Variants in ENPP1 observed in about 807,000 individuals in gnomAD.
The protein encoded by ENPP1 is ectonucleotide pyrophosphatase/phosphodiesterase family member 1.
Under a neutral mutation model 122.8 loss-of-function variants are expected in ENPP1, and 73 were observed. The ratio of observed to expected loss-of-function variants is 0.59; its 90% CI spans 0.49 to 0.72. The LOEUF (loss-of-function observed/expected upper bound fraction) is 0.72, where lower values mean the gene tolerates loss of function less well. Ranked by LOEUF, ENPP1 falls within the 30% of genes least tolerant of loss-of-function variation. ENPP1 has a pLI of 0.00. For missense variants in ENPP1, 978 were observed against 1,128.1 expected (o/e 0.87, Z 1.91); for synonymous variants, 367 against 391.6 (o/e 0.94, Z 0.74).
In ENPP1 at chr6:131,811,381, TC is replaced by T. The variant is rs1781350411; in HGVS notation, c.240+3107del. 3.3e-5 allele frequency among the ~76,000 whole-genome samples: 3 copies of T among 91,256 alleles called. No individual in the cohort carries two copies. In the South Asian group the frequency reaches 1.0e-3, roughly 31 times the overall value. 59.9% of individuals were successfully genotyped at this position (91,256 alleles called of 152,430 possible). On this transcript the variant is annotated intron_variant, in intron 1 of 24. Transcript: ENST00000647893. ...ATATATCTATATCTATATCTATATA[TC>T]TATATCTATATCTATATCTATATCT... is the stretch of plus-strand genomic sequence containing the variant.
chr6:131,834,519 G>A lies in ENPP1; in HGVS notation c.241-13257G>A, dbSNP rs1322413780. On this transcript the variant is annotated intron_variant, in intron 1 of 24. Coordinates refer to ENST00000647893, the MANE Select transcript of ENPP1 (RefSeq NM_006208.3). ...GAATCTTATGCATGTACATATTTGA[G>A]GTAATAGTCTTTTTTTTTTTTTTTT... Among the ~76,000 whole-genome samples, 3 of 147,120 alleles carry A rather than the reference G, an allele frequency of 2.0e-5. No homozygotes were observed. In the East Asian group the frequency reaches 5.9e-4, roughly 29 times the overall value.
Position 131,815,704 on chromosome 6 carries a change from CT to C in ENPP1, c.240+7443del, listed in dbSNP as rs547064410. Among the ~76,000 whole-genome samples, 811 of 140,524 alleles carry C rather than the reference CT, an allele frequency of 5.8e-3. 2 individuals carry two copies. Among genetic ancestry groups the C allele is most frequent in the Admixed American group, 6.5e-3 (91 of 14,004 alleles). 92.2% of individuals were successfully genotyped at this position (140,524 alleles called of 152,430 possible). ...TTTACAGAAATTTTTATCTATCAGC[CT>C]TTTTTTTTTTTTTGAAACGGAGTTT... is the stretch of plus-strand genomic sequence containing the variant. On this transcript the variant is annotated intron_variant, in intron 1 of 24. Coordinates refer to ENST00000647893, the MANE Select transcript of ENPP1 (RefSeq NM_006208.3).
At chr6:131,837,172 T>TTG (rs67550562) in intron 1 of ENPP1, among the ~76,000 whole-genome samples, 31,372 of 135,814 alleles carry the variant, frequency 0.23, 3,525 homozygotes, top group Non-Finnish European at 0.26. Flanking sequence ...CCTGTTGTCA[T>TTG]TGTGTGTGTG....
intron 24 of ENPP1, among the ~76,000 whole-genome samples, chr6:131,889,907 A>C (rs1585848210): frequency 6.6e-6 from 1 of 152,134 alleles, no homozygotes; most frequent in South Asian, 2.1e-4. Flanking sequence ...ACTCCCACCA[A>C]CAGTGTAAAA....
chr6:131,878,972 T>C (rs188260418), intron 19 of ENPP1, among the ~76,000 whole-genome samples: 2 of 152,328 alleles, frequency 1.3e-5, no homozygotes, highest in South Asian at 2.1e-4. Context: ...TATATATTGA[T>C]TTATTGATCT....
intron 1 of ENPP1, among the ~76,000 whole-genome samples, chr6:131,838,540 TAAAAG>T (rs923335253): frequency 5.4e-5 from 8 of 149,324 alleles, no homozygotes; most frequent in Admixed American, 1.3e-4. Context: ...ATAGTAATAT[TAAAAG>T]AAAAGTCTGA....
At chr6:131,883,607 T>A (rs2114728237) in intron 21 of ENPP1, 87 bp from the exon 22 acceptor site, 1 of 752,984 alleles carries the variant, frequency 1.3e-6, no homozygotes, top group Admixed American at 2.0e-5. Flanking sequence ...CAGCTAATTT[T>A]TAAAAATGCT....
In ENPP1 at chr6:131,865,994, C is replaced by CA. The variant is rs1554203830; in HGVS notation, c.1164+1070dup. On this transcript the variant is annotated intron_variant, in intron 11 of 24. Coordinates refer to ENST00000647893, the MANE Select transcript of ENPP1 (RefSeq NM_006208.3). Reference sequence around the variant, plus strand: ...CTGGGCACAGAGCGGGACTCTGTCTCAAAAAAAAAAAAAAGAGAAAAAGAA... The same window carrying CA: ...CTGGGCACAGAGCGGGACTCTGTCTCAAAAAAAAAAAAAAAGAGAAAAAGAA... Among the ~76,000 whole-genome samples, 429 of 92,466 alleles carry CA rather than the reference C, an allele frequency of 4.6e-3. 2 individuals are homozygous for CA. Among genetic ancestry groups the CA allele is most frequent in the East Asian group, 0.032 (125 of 3,902 alleles). The allele number at this position is 92,466 out of a possible 152,430, so 60.7% of individuals were successfully genotyped here. A position where few individuals can be genotyped will look rare whatever the true frequency, so the allele number is the denominator to read the frequency against.
Position 131,851,938 on chromosome 6 carries a change from T to C in ENPP1, c.557-237T>C, listed in dbSNP as rs187030107. Among the ~76,000 whole-genome samples, 6 of 152,302 alleles carry C rather than the reference T, an allele frequency of 3.9e-5. No individual in the cohort carries two copies. In the East Asian group the frequency reaches 1.2e-3, roughly 29 times the overall value. On this transcript the variant is annotated intron_variant, in intron 4 of 24. Transcript: ENST00000647893. The stretch of plus-strand genomic sequence containing the variant: ...TACCTTCAAGTTCTCACAAATACAG[T>C]AGTATGTTTTAGTCTTACAATTGTG...
At chr6:131,828,241 C>T in intron 1 of ENPP1, 1 of 556,706 alleles carries the variant, frequency 1.8e-6, no homozygotes, top group Non-Finnish European at 3.5e-6. Flanking sequence ...TCAAATTCCA[C>T]TTTGTAAGAA....
intron 19 of ENPP1, 82 bp from the exon 20 acceptor site, chr6:131,879,793 TAGAGG>T (rs533005501): frequency 2.1e-4 from 248 of 1,182,400 alleles, no homozygotes; most frequent in Middle Eastern, 2.0e-3. Flanking sequence ...TATAATTAAG[TAGAGG>T]AAAGGATTAG....
At position 131,868,644 on chromosome 6, in the gene ENPP1, T is replaced by A. The variant is rs1782119917; in HGVS notation, c.1273+518T>A. On this transcript the variant is annotated intron_variant, in intron 12 of 24. Transcript: ENST00000647893. ...TTTTTTGGTAGACATGGGATCTTGC[T>A]ATGTTGAGCAGGCTGGTCTCAAACT... 2.0e-5 allele frequency among the ~76,000 whole-genome samples: 3 copies of A among 152,178 alleles called. No individual in the cohort carries two copies. The South Asian group carries it at 6.2e-4, about 32-fold the overall frequency.
chr6:131,868,724 G>T (rs376498215), intron 12 of ENPP1, among the ~76,000 whole-genome samples: 1 of 152,222 alleles, frequency 6.6e-6, no homozygotes, highest in Non-Finnish European at 1.5e-5. Flanking sequence ...ACAGGCATTA[G>T]CCATCGTGCC....
rs779167281 is a variant in ENPP1, at chr6:131,864,580, G to T, written c.1091+9G>T. ...CTTCCTAAAGATGAAAGGTCTGTAG[G>T]CAATTAATTTCTATTGTAAATACTT... On this transcript the variant is annotated intron_variant, in intron 10 of 24. Coordinates refer to ENST00000647893, the MANE Select transcript of ENPP1 (RefSeq NM_006208.3). 1.3e-6 allele frequency: 2 copies of T among 1,576,116 alleles called. No individual in the cohort carries two copies. The highest frequency in any genetic ancestry group is 1.7e-5 in the Admixed American group (1 of 59,840).
chr6:131,877,866 A>AAAAAAAAAATAT (rs1562183349), intron 18 of ENPP1: 22 of 53,020 alleles, frequency 4.1e-4, no homozygotes, highest in Admixed American at 1.4e-3. Context: ...AAAAAAAAAA[A>AAAAAAAAAATAT]ATATATATAT....
At chr6:131,855,225 A>G (rs551058857) in intron 6 of ENPP1, among the ~76,000 whole-genome samples, 6 of 152,284 alleles carry the variant, frequency 3.9e-5, no homozygotes, top group African/African-American at 1.4e-4. Context: ...ATAAGTTAAT[A>G]TAGTTATCTT....
At chr6:131,888,360 C>T (rs1782416752) in intron 24 of ENPP1, among the ~76,000 whole-genome samples, 1 of 151,844 alleles carries the variant, frequency 6.6e-6, no homozygotes, top group African/African-American at 2.4e-5. Context: ...TCTTGAGACC[C>T]AGTATGAGCT....
chr6:131,842,791 A>T (rs369895543), intron 1 of ENPP1, among the ~76,000 whole-genome samples: 1 of 152,170 alleles, frequency 6.6e-6, no homozygotes, highest in Non-Finnish European at 1.5e-5. Context: ...CAGGGACTGC[A>T]CATTGTGGAC....
At chr6:131,837,440 C>T (rs1339313891) in intron 1 of ENPP1, among the ~76,000 whole-genome samples, 6 of 145,614 alleles carry the variant, frequency 4.1e-5, no homozygotes, top group Admixed American at 3.6e-4. Flanking sequence ...GCAGGAGAAT[C>T]GTTTGAACCT....
Sources: allele counts gnomAD v4.1 joint callset (sites outside exome capture counted in the v4.1 genomes callset), GRCh38; gene constraint gnomAD v4.1.1; transcripts MANE v1.5; gene names NCBI Gene and HGNC (gene_info 2026-07-23, HGNC 2026-07-21).